The following CALCRL variants were observed in gnomAD, a reference collection of about 807,000 sequenced individuals.
CALCRL encodes the protein calcitonin receptor like receptor.
In CALCRL, 27 loss-of-function variants were observed where a neutral mutation model predicts 60.4. That is an observed-to-expected ratio of 0.45 (90% CI 0.33 to 0.62). CALCRL has a LOEUF of 0.62. Ranked by LOEUF, CALCRL falls within the 20% of genes least tolerant of loss-of-function variation. The pLI, the probability that CALCRL is intolerant of heterozygous loss-of-function variation, is 0.03. For synonymous variants in CALCRL, 190 were observed against 182.6 expected (o/e 1.04, Z -0.33); for missense variants, 424 against 540.7 (o/e 0.78, Z 2.14).
intron 1 of CALCRL, among the ~76,000 whole-genome samples, chr2:187,403,590 A>G (rs1270099104): frequency 1.3e-5 from 2 of 152,000 alleles, no homozygotes; most frequent in African/African-American, 2.4e-5. Flanking sequence ...AGTTAGTAAC[A>G]AGGTGAACTG....
chr2:187,375,274 G>A (rs1294668273), intron 8 of CALCRL, among the ~76,000 whole-genome samples: 2 of 33,294 alleles, frequency 6.0e-5, no homozygotes, highest in Non-Finnish European at 1.1e-4. Context: ...GCGAGACTCC[G>A]TCTCAAAAAA....
intron 1 of CALCRL, among the ~76,000 whole-genome samples, chr2:187,395,547 ACTT>A (rs1024183560): frequency 1.3e-5 from 2 of 152,034 alleles, no homozygotes; most frequent in Non-Finnish European, 2.9e-5. Flanking sequence ...AATGAAGAAA[ACTT>A]CTTCTAGAAA....
intron 9 of CALCRL, among the ~76,000 whole-genome samples, chr2:187,362,573 T>C (rs535050696): frequency 4.5e-4 from 25 of 55,286 alleles, no homozygotes; most frequent in Non-Finnish European, 1.0e-3. Flanking sequence ...ACACTTTATA[T>C]AGACACACAC....
At chr2:187,404,503 TA>T (rs919800114) in intron 1 of CALCRL, among the ~76,000 whole-genome samples, 8 of 150,490 alleles carry the variant, frequency 5.3e-5, no homozygotes, top group Admixed American at 4.0e-4. Flanking sequence ...CACTTTTATT[TA>T]TTTTTTTTTT....
intron 8 of CALCRL, among the ~76,000 whole-genome samples, 182 bp from the exon 9 acceptor site, chr2:187,363,684 C>T (rs1036094402): frequency 2.6e-5 from 4 of 152,036 alleles, no homozygotes; most frequent in Non-Finnish European, 5.9e-5. Context: ...TGCTTAAAAC[C>T]TAGAGACAAA....
chr2:187,369,954 C>T (rs1687451996), intron 8 of CALCRL, among the ~76,000 whole-genome samples: 1 of 152,120 alleles, frequency 6.6e-6, no homozygotes, highest in Non-Finnish European at 1.5e-5. Flanking sequence ...GGTAAACGTC[C>T]ACCATGGCTT....
At chr2:187,437,400 G>A (rs1574327292) in intron 1 of CALCRL, among the ~76,000 whole-genome samples, 1 of 152,080 alleles carries the variant, frequency 6.6e-6, no homozygotes, top group Admixed American at 6.6e-5. Context: ...AAATTAGCCG[G>A]GCGTGATGGC....
intron 1 of CALCRL, among the ~76,000 whole-genome samples, chr2:187,396,915 GT>G (rs1406036365): frequency 6.6e-6 from 1 of 151,648 alleles, no homozygotes; most frequent in Non-Finnish European, 1.5e-5. Flanking sequence ...AAGGGATGAT[GT>G]CTAATACCAG....
intron 1 of CALCRL, among the ~76,000 whole-genome samples, chr2:187,390,619 C>T (rs1688396180): frequency 6.6e-6 from 1 of 152,114 alleles, no homozygotes; most frequent in Admixed American, 6.6e-5. Context: ...ACTAAATCAT[C>T]CTGACATCAA....
At position 187,342,252 on chromosome 2, in the gene CALCRL, G is replaced by A. The variant is rs1574194239; in HGVS notation, c.*3932C>T. ...GCTGAAATGAAAGTAGAGATAGAGG[G>A]ATAGAGAAGTGATGGCTAAAGGATA... On this transcript the variant is annotated 3_prime_UTR_variant, in exon 15 of 15. Coordinates refer to ENST00000392370, the MANE Select transcript of CALCRL (RefSeq NM_005795.6). 6.6e-6 allele frequency among the ~76,000 whole-genome samples: 1 copy of A among 151,742 alleles called. No individual in the cohort carries two copies. Among genetic ancestry groups the A allele is most frequent in the Non-Finnish European group, 1.5e-5 (1 of 67,734 alleles).
chr2:187,363,925 A>G (rs1687167093), intron 8 of CALCRL, among the ~76,000 whole-genome samples: 1 of 152,164 alleles, frequency 6.6e-6, no homozygotes, highest in Admixed American at 6.6e-5. Context: ...TCATTACACC[A>G]TATATATTGT....
At chr2:187,445,283 A>G (rs995164017) in intron 1 of CALCRL, among the ~76,000 whole-genome samples, 19 of 151,630 alleles carry the variant, frequency 1.3e-4, no homozygotes, top group Non-Finnish European at 1.5e-5. Context: ...AATGCCAAGC[A>G]TAAGATACGC....
intron 1 of CALCRL, among the ~76,000 whole-genome samples, chr2:187,413,207 A>G (rs929104610): frequency 2.6e-5 from 4 of 152,180 alleles, no homozygotes; most frequent in Non-Finnish European, 5.9e-5. Flanking sequence ...AGGGAGAGAA[A>G]GAGAATTCTA....
rs146718835 is a variant in CALCRL at position 187,346,313 on chromosome 2, C to T, written c.1257G>A (p.Ala419=). 115 of 1,612,388 alleles carry T rather than the reference C, an allele frequency of 7.1e-5. No homozygotes were observed. Among genetic ancestry groups the T allele is most frequent in the African/African-American group, 4.5e-4 (34 of 74,902 alleles). The part of the protein sequence containing the change: ...SFSNSEALRS[A]SYTVSTISDG... Reference sequence around the variant, plus strand: ...CACTGATTGTTGACACTGTGTAAGACGCACTACGAAGAGCTTCTGAGTTGG... The same window carrying T: ...CACTGATTGTTGACACTGTGTAAGATGCACTACGAAGAGCTTCTGAGTTGG... The change falls in exon 15 of 15, where the codon GCG becomes GCA. Residue 419 remains alanine (A), a synonymous_variant. Coordinates refer to ENST00000392370, the MANE Select transcript of CALCRL (RefSeq NM_005795.6).
At chr2:187,447,254 C>T (rs546613863) in intron 1 of CALCRL, among the ~76,000 whole-genome samples, 6 of 147,450 alleles carry the variant, frequency 4.1e-5, no homozygotes, top group East Asian at 2.3e-4. Context: ...CCACAGATAT[C>T]GTGGTATCAC....
chr2:187,349,495 G>A lies in CALCRL; in HGVS notation c.1170+2425C>T, dbSNP rs1282106031. On this transcript the variant is annotated intron_variant, in intron 14 of 14. Transcript: ENST00000392370. ...GCAGTTGTTTCTTCATGTTATGAGAGTGGGAAAAAGTAAGAGGCATTGAGA... is the reference window on the plus strand; with the variant it reads ...GCAGTTGTTTCTTCATGTTATGAGAATGGGAAAAAGTAAGAGGCATTGAGA... Among the ~76,000 whole-genome samples, 4 of 151,588 alleles carry A rather than the reference G, an allele frequency of 2.6e-5. No individual in the cohort carries two copies. In the East Asian group the frequency reaches 7.7e-4, roughly 29 times the overall value.
At chr2:187,404,166 A>T (rs932619917) in intron 1 of CALCRL, among the ~76,000 whole-genome samples, 9 of 151,900 alleles carry the variant, frequency 5.9e-5, no homozygotes, top group African/African-American at 2.2e-4. Context: ...TTAAAAAAAA[A>T]TGCCCCGTCA....
At chr2:187,387,073 CG>C (rs1688237368) in intron 3 of CALCRL, among the ~76,000 whole-genome samples, 1 of 152,060 alleles carries the variant, frequency 6.6e-6, no homozygotes, top group Admixed American at 6.6e-5. Context: ...ACACTGAACA[CG>C]CAAACAATAT....
At chr2:187,425,283 A>G (rs576789944) in intron 1 of CALCRL, among the ~76,000 whole-genome samples, 1 of 152,140 alleles carries the variant, frequency 6.6e-6, no homozygotes, top group South Asian at 2.1e-4. Context: ...TATCAAAAAC[A>G]AAAACAAAAG....
Sources: allele counts gnomAD v4.1 joint callset (sites outside exome capture counted in the v4.1 genomes callset), GRCh38; gene constraint gnomAD v4.1.1; transcripts MANE v1.5; gene names NCBI Gene and HGNC (gene_info 2026-07-23, HGNC 2026-07-21).